Variants in PPP2R2B observed in about 807,000 individuals in gnomAD.
PPP2R2B encodes the protein protein phosphatase 2 regulatory subunit Bbeta.
A neutral mutation model predicts 46.0 loss-of-function variants in PPP2R2B; 5 were observed. The ratio of observed to expected loss-of-function variants is 0.11; its 90% CI spans 0.06 to 0.23. The LOEUF (loss-of-function observed/expected upper bound fraction) is 0.23, where lower values mean the gene tolerates loss of function less well. PPP2R2B is among the 10% of genes least tolerant of loss of function. The pLI is 1.00. For missense variants in PPP2R2B, 367 were observed against 575.0 expected, an observed-to-expected ratio of 0.64 and a Z score of 3.70; for synonymous variants, 215 against 206.7, an observed-to-expected ratio of 1.04 and a Z score of -0.34.
At position 146,976,298 on chromosome 5, in the gene PPP2R2B, C is replaced by T. The variant is rs866421527; in HGVS notation, c.79+79367G>A. On this transcript the variant is annotated intron_variant, in intron 1 of 8. Coordinates refer to the PPP2R2B transcript ENST00000336640. Reference sequence around the variant, plus strand: ...GACTACAGGCATGCACCACTACGCCCAACTAATTTTTGTATTTTTAGTAGA... The same window carrying T: ...GACTACAGGCATGCACCACTACGCCTAACTAATTTTTGTATTTTTAGTAGA... Among the ~76,000 whole-genome samples, 137 of 151,830 alleles carry T rather than the reference C, an allele frequency of 9.0e-4. 1 individual carries two copies. The highest frequency in any genetic ancestry group is 3.4e-3 in the Middle Eastern group (1 of 294).
chr5:146,665,355 T>A (rs1325122326), intron 5 of PPP2R2B, among the ~76,000 whole-genome samples: 2 of 152,218 alleles, frequency 1.3e-5, no homozygotes, highest in Non-Finnish European at 2.9e-5. Flanking sequence ...TGCTGCTTCA[T>A]GTTGTACTTT....
intron 5 of PPP2R2B, among the ~76,000 whole-genome samples, chr5:146,673,570 G>C (rs1777511860): frequency 6.6e-6 from 1 of 152,102 alleles, no homozygotes; most frequent in Non-Finnish European, 1.5e-5. Flanking sequence ...GCATGGCCCA[G>C]GCTGAGAATT....
At chr5:147,019,711 C>G (rs1287252814) in intron 1 of PPP2R2B, among the ~76,000 whole-genome samples, 1 of 152,130 alleles carries the variant, frequency 6.6e-6, no homozygotes, top group African/African-American at 2.4e-5. Context: ...GTCTTAACAA[C>G]TAGTCTAAGA....
chr5:146,920,715 C>CCTGTTCCAGCACA (rs1167911392), intron 1 of PPP2R2B, among the ~76,000 whole-genome samples: 1 of 152,122 alleles, frequency 6.6e-6, no homozygotes, highest in Non-Finnish European at 1.5e-5. Context: ...CTCCTGCCAA[C>CCTGTTCCAGCACA]CTGTTCCAGC....
At chr5:146,793,082 G>A (rs1218374896) in intron 2 of PPP2R2B, among the ~76,000 whole-genome samples, 1 of 152,074 alleles carries the variant, frequency 6.6e-6, no homozygotes, top group Non-Finnish European at 1.5e-5. Context: ...TGGAAGTGAT[G>A]AAAAAAGATT....
At chr5:146,957,499 T>C (rs913167687) in intron 1 of PPP2R2B, among the ~76,000 whole-genome samples, 3 of 152,212 alleles carry the variant, frequency 2.0e-5, no homozygotes, top group African/African-American at 7.2e-5. Flanking sequence ...CTTCAAATAG[T>C]GTATTTAAGT....
At chr5:147,058,411 C>T (rs1411022651), upstream of PPP2R2B, among the ~76,000 whole-genome samples, 6 of 152,114 alleles carry the variant, frequency 3.9e-5, no homozygotes. Flanking sequence ...CAATAGTAGG[C>T]ACTCAGTAAT....
At chr5:146,744,126 C>T (rs781328733) in intron 2 of PPP2R2B, among the ~76,000 whole-genome samples, 3 of 152,172 alleles carry the variant, frequency 2.0e-5, no homozygotes, top group Non-Finnish European at 4.4e-5. Context: ...GATGCTTGCT[C>T]CTTCCTCCTT....
At chr5:146,987,741 A>G (rs1012599502) in intron 1 of PPP2R2B, among the ~76,000 whole-genome samples, 5 of 151,996 alleles carry the variant, frequency 3.3e-5, no homozygotes, top group Non-Finnish European at 7.4e-5. Flanking sequence ...ACAATCAGAA[A>G]TCAACAAAAT....
intron 5 of PPP2R2B, among the ~76,000 whole-genome samples, chr5:146,687,049 CAGTGGT>C (rs1296169717): frequency 5.3e-5 from 7 of 132,448 alleles, no homozygotes; most frequent in African/African-American, 2.0e-4. Flanking sequence ...GTGGCAGGGA[CAGTGGT>C]AGCGGGGAGT....
At chr5:146,648,281 G>A (rs1053410033) in intron 6 of PPP2R2B, among the ~76,000 whole-genome samples, 4 of 152,148 alleles carry the variant, frequency 2.6e-5, no homozygotes, top group African/African-American at 9.7e-5. Context: ...AAAGAGGCCC[G>A]AGTTTCTGAA....
At chr5:146,658,460 G>T (rs1776480730) in intron 5 of PPP2R2B, among the ~76,000 whole-genome samples, 1 of 152,168 alleles carries the variant, frequency 6.6e-6, no homozygotes, top group African/African-American at 2.4e-5. Context: ...AAATGGGAGA[G>T]CATTGGGTCC....
intron 1 of PPP2R2B, among the ~76,000 whole-genome samples, chr5:147,005,101 G>A (rs1026245664): frequency 6.6e-6 from 1 of 152,162 alleles, no homozygotes; most frequent in Non-Finnish European, 1.5e-5. Flanking sequence ...GTATGTGTGA[G>A]GCCCTCAACC....
In PPP2R2B at chr5:146,650,874, A is replaced by G. The variant is rs1581793160; in HGVS notation, c.448-150T>C. ...AGAAAGAAGAGGCTAATAACGAATC[A>G]CACACTGTTCTTGTTCCATTCTGTT... On this transcript the variant is annotated intron_variant, in intron 5 of 9. Transcript: ENST00000394411. 8.8e-6 allele frequency: 6 copies of G among 682,814 alleles called. 1 individual carries two copies. The South Asian group carries it at 1.4e-4, about 15-fold the overall frequency. The allele number at this position is 682,814 out of a possible 1,614,324, so 42.3% of individuals were successfully genotyped here. A position where few individuals can be genotyped will look rare whatever the true frequency, so the allele number is the denominator to read the frequency against.
At chr5:146,703,379 A>G (rs1402825457) in intron 2 of PPP2R2B, among the ~76,000 whole-genome samples, 1 of 152,174 alleles carries the variant, frequency 6.6e-6, no homozygotes, top group Non-Finnish European at 1.5e-5. Flanking sequence ...TGAGGTTTAC[A>G]ATGCCTGGCT....
At chr5:146,677,267 T>C (rs893985094) in intron 5 of PPP2R2B, among the ~76,000 whole-genome samples, 4 of 152,138 alleles carry the variant, frequency 2.6e-5, no homozygotes, top group Non-Finnish European at 5.9e-5. Context: ...CCTTATTTAA[T>C]TGAATGTTGC....
intron 7 of PPP2R2B, among the ~76,000 whole-genome samples, chr5:146,620,819 G>A (rs1460001325): frequency 6.6e-6 from 1 of 152,174 alleles, no homozygotes; most frequent in Non-Finnish European, 1.5e-5. Flanking sequence ...GTTACTCCAA[G>A]AGAAGCCCGA....
chr5:146,913,073 A>G (rs908049227), intron 1 of PPP2R2B, among the ~76,000 whole-genome samples: 2 of 152,180 alleles, frequency 1.3e-5, no homozygotes, highest in Admixed American at 6.5e-5. Context: ...TTTGGAATGC[A>G]GCTGTCCTCT....
intron 1 of PPP2R2B, among the ~76,000 whole-genome samples, chr5:147,012,777 G>T (rs4273646): frequency 0.26 from 39,598 of 151,228 alleles, 5,933 homozygotes; most frequent in African/African-American, 0.41. Context: ...CTGGTATGTT[G>T]TGTCTTTGTT....
Sources: gnomAD v4.1 joint callset for allele counts (sites outside exome capture counted in the v4.1 genomes callset) on GRCh38, gnomAD v4.1.1 for gene constraint, MANE v1.5 for transcripts, NCBI Gene and HGNC (gene_info 2026-07-23, HGNC 2026-07-21) for gene names.